ABCA10: variants seen among roughly 807,000 people sequenced by gnomAD.
The protein encoded by ABCA10 is ATP binding cassette subfamily A member 10.
In ABCA10, 169 loss-of-function variants were observed where a neutral mutation model predicts 187.5. The observed-to-expected ratio is 0.90, with a 90% CI of 0.80 to 1.02. The LOEUF is 1.02. ABCA10 is among the 50% of genes least tolerant of loss of function. The probability of loss-of-function intolerance (pLI) is 0.00; values close to 1 mark genes in which losing one functional copy is unlikely to be tolerated. For missense variants in ABCA10, 1,727 were observed against 1,812.4 expected, an observed-to-expected ratio of 0.95 and a Z score of 0.86; for synonymous variants, 574 against 601.8, an observed-to-expected ratio of 0.95 and a Z score of 0.68.
Position 69,185,526 on chromosome 17 carries a change from T to C in ABCA10, c.2448A>G (p.Glu816=), listed in dbSNP as rs762030273. 14 of 1,613,698 alleles carry C rather than the reference T, an allele frequency of 8.7e-6. No homozygotes were observed. The South Asian group carries it at 1.4e-4, about 16-fold the overall frequency. ...TGGTAAGAGGCGTCTTCGGGATTTG[T>C]TCCAGAGAAAGGAAATACATACTGG... is the stretch of plus-strand genomic sequence containing the variant. ...FSPSMYFLSL[E]QIPKTPLTSL... The change falls in exon 20 of 39, where the codon GAA becomes GAG. Residue 816 remains glutamate, a synonymous_variant. Transcript: ENST00000690296.
Position 69,148,755 on chromosome 17 carries a change from A to G in ABCA10, c.*72T>C. 1 of 1,237,318 alleles carries G rather than the reference A, an allele frequency of 8.1e-7. No individual in the cohort carries two copies. The allele number at this position is 1,237,318 out of a possible 1,614,324, so 76.6% of individuals were successfully genotyped here. ...TCTTTTGTTAACTGAAGTAAAAGGA[A>G]ACATTCTTGTAGAATTATGGAAACT... On this transcript the variant is annotated 3_prime_UTR_variant, in exon 39 of 39. Transcript: ENST00000690296.
At chr17:69,182,549 C>T in intron 21 of ABCA10, 126 bp downstream of exon 21, 1 of 1,204,238 alleles carries the variant, frequency 8.3e-7, no homozygotes, top group East Asian at 2.7e-5. Context: ...AAGAAAGTTT[C>T]AAGCCTCCTC....
intron 10 of ABCA10, among the ~76,000 whole-genome samples, chr17:69,200,438 T>C (rs1280846408): frequency 6.6e-6 from 1 of 152,192 alleles, no homozygotes; most frequent in Non-Finnish European, 1.5e-5. Flanking sequence ...TTTAAAAAGA[T>C]AACTTCACAC....
chr17:69,154,068 C>A lies in ABCA10; in HGVS notation c.3787-59G>T, dbSNP rs1007287662. On this transcript the variant is annotated intron_variant, in intron 31 of 38. Transcript: ENST00000690296. ...GGTTTTTGCTCCAATCCCCCTTCTACTAAAGGAGATAAAAGTGGCCATTAA... is the reference window on the plus strand; with the variant it reads ...GGTTTTTGCTCCAATCCCCCTTCTAATAAAGGAGATAAAAGTGGCCATTAA... 12 of 1,567,536 alleles carry A rather than the reference C, an allele frequency of 7.7e-6. No homozygotes were observed. The Admixed American group carries it at 2.1e-4, about 27-fold the overall frequency.
intron 25 of ABCA10, among the ~76,000 whole-genome samples, chr17:69,168,332 T>A (rs1283953104): frequency 6.6e-5 from 10 of 152,120 alleles, no homozygotes; most frequent in Admixed American, 6.6e-4. Flanking sequence ...TCAAATATAT[T>A]TTGATTTGAA....
intron 1 of ABCA10, among the ~76,000 whole-genome samples, chr17:69,242,274 C>T (rs1476103712): frequency 1.3e-5 from 2 of 152,160 alleles, no homozygotes; most frequent in Non-Finnish European, 2.9e-5. Flanking sequence ...ACAACTAGCA[C>T]TCAACATCTT....
chr17:69,171,771 G>A (rs933809182), intron 25 of ABCA10, among the ~76,000 whole-genome samples: 1 of 152,060 alleles, frequency 6.6e-6, no homozygotes, highest in African/African-American at 2.4e-5. Context: ...ACAAGAGAGT[G>A]AATTTTCAAA....
At chr17:69,221,963 A>G (rs764014099) in intron 4 of ABCA10, 68 bp from the exon 5 acceptor site, 1 of 1,223,766 alleles carries the variant, frequency 8.2e-7, no homozygotes, top group Non-Finnish European at 1.1e-6. Context: ...TAAAACTTTA[A>G]CTTTGGCTCA....
chr17:69,154,409 A>G, intron 30 of ABCA10, 83 bp from the exon 31 acceptor site: 1 of 962,728 alleles, frequency 1.0e-6, no homozygotes, highest in Non-Finnish European at 1.5e-6. Context: ...TAACATTTTG[A>G]AACAAAATGA....
At position 69,182,670 on chromosome 17, in the gene ABCA10, CA is replaced by C. The variant is rs764243666; in HGVS notation, c.2631+4del. The C allele has an allele frequency of 5.0e-6, 8 of 1,587,770 alleles. No homozygotes were observed. In the South Asian group the frequency reaches 9.2e-5, roughly 18 times the overall value. ...AAAAAAAACAGTGCATAGAAGCAAA[CA>C]TACCTTCTGGTCACCAGACACTATG... On this transcript the variant is annotated splice_donor_region_variant and intron_variant, in intron 21 of 38. Coordinates refer to ENST00000690296, the MANE Select transcript of ABCA10 (RefSeq NM_001377321.1).
chr17:69,187,851 T>C lies in ABCA10; in HGVS notation c.2160A>G (p.Ile720Met), dbSNP rs2074433720. The C allele has an allele frequency of 1.2e-6, 2 of 1,613,692 alleles. No homozygotes were observed. The highest frequency in any genetic ancestry group is 1.7e-6 in the Non-Finnish European group (2 of 1,179,734). Residue 720 changes from isoleucine (I) to methionine (M), a missense_variant, in exon 19 of 39, where the codon ATA becomes ATG. By Grantham distance (10) the Ile-to-Met change is conservative. Transcript: ENST00000690296. ...CATCTCCAGTATTTCTTGTCACATGTATTTTCTCTTGTTTCCCAATGTCAA... is the reference window on the plus strand; with the variant it reads ...CATCTCCAGTATTTCTTGTCACATGCATTTTCTCTTGTTTCCCAATGTCAA... ...PDFDIGKQEK[I>M]HVTRNTGDES...
intron 27 of ABCA10, among the ~76,000 whole-genome samples, chr17:69,162,030 G>A (rs554865690): frequency 8.7e-4 from 133 of 152,302 alleles, no homozygotes; most frequent in Middle Eastern, 3.4e-3. Flanking sequence ...ATTAACAGCA[G>A]AAACAATAGT....
rs142097265 is a variant in ABCA10 at position 69,190,966 on chromosome 17, A to T, written c.2011+210T>A. Among the ~76,000 whole-genome samples the T allele has an allele frequency of 4.6e-5, 7 of 152,224 alleles. No individual in the cohort carries two copies. In the East Asian group the frequency reaches 1.3e-3, roughly 29 times the overall value. On this transcript the variant is annotated intron_variant, in intron 17 of 38. Transcript: ENST00000690296. ...AAGTTTAATTTTGACAAAGAGTGCA[A>T]ATCGGGGTTTCTATATTCATGGAAA...
intron 25 of ABCA10, among the ~76,000 whole-genome samples, chr17:69,171,652 G>T (rs899229360): frequency 6.6e-6 from 1 of 152,076 alleles, no homozygotes; most frequent in Non-Finnish European, 1.5e-5. Flanking sequence ...ATCACACCTA[G>T]AAACATTGTA....
intron 1 of ABCA10, among the ~76,000 whole-genome samples, chr17:69,241,183 C>G (rs774238368): frequency 2.6e-5 from 4 of 152,204 alleles, no homozygotes; most frequent in Non-Finnish European, 5.9e-5. Context: ...GATAATTCTA[C>G]TCTTCCAGAG....
chr17:69,182,676 T>C lies in ABCA10; in HGVS notation c.2630A>G (p.Lys877Arg). The change falls in exon 21 of 39, where the codon AAG (lysine) becomes AGG (arginine). Residue 877 changes from lysine (K) to arginine (R), a missense_variant and splice_region_variant. Transcript: ENST00000690296. ...NGAIIVSGDQ[K>R]DYRFSVACNT... ...AACAGTGCATAGAAGCAAACATACC[T>C]TCTGGTCACCAGACACTATGATGGC... 1 of 1,594,946 alleles carries C rather than the reference T, an allele frequency of 6.3e-7. No homozygotes were observed. The highest frequency in any genetic ancestry group is 2.2e-4 in the Middle Eastern group (1 of 4,648).
At chr17:69,154,878 G>A (rs2074161502) in intron 30 of ABCA10, 141 bp downstream of exon 30, 2 of 562,696 alleles carry the variant, frequency 3.6e-6, no homozygotes, top group Non-Finnish European at 6.1e-6. Flanking sequence ...CTTATCTGCT[G>A]ACATGTGAAG....
At chr17:69,154,408 G>A in intron 30 of ABCA10, 82 bp from the exon 31 acceptor site, 11 of 753,450 alleles carry the variant, frequency 1.5e-5, no homozygotes, top group South Asian at 6.6e-5. Context: ...ATAACATTTT[G>A]AAACAAAATG....
intron 1 of ABCA10, among the ~76,000 whole-genome samples, chr17:69,241,251 C>T (rs992438808): frequency 2.0e-5 from 3 of 152,224 alleles, no homozygotes; most frequent in African/African-American, 7.2e-5. Context: ...TTCTCCCATA[C>T]TCCATGTACT....
Sources: allele counts gnomAD v4.1 joint callset (sites outside exome capture counted in the v4.1 genomes callset), GRCh38; gene constraint gnomAD v4.1.1; transcripts MANE v1.5; gene names NCBI Gene and HGNC (gene_info 2026-07-23, HGNC 2026-07-21).